RBMS1: variants seen among roughly 807,000 people sequenced by gnomAD.
The protein encoded by RBMS1 is RNA-binding motif, single-stranded-interacting protein 1.
Under a neutral mutation model 62.3 loss-of-function variants are expected in RBMS1, and 17 were observed. The ratio of observed to expected loss-of-function variants is 0.27; its 90% CI spans 0.19 to 0.41. RBMS1 has a LOEUF of 0.41. Among genes scored for constraint, RBMS1 ranks in the 10% least tolerant of loss-of-function variants. The pLI is 1.00. For missense variants in RBMS1, 334 were observed against 504.5 expected (o/e 0.66, Z 3.24); for synonymous variants, 172 against 170.0 (o/e 1.01, Z -0.09).
intron 13 of RBMS1, 176 bp downstream of exon 13, chr2:160,275,454 A>C: frequency 8.3e-7 from 1 of 1,210,074 alleles, no homozygotes; most frequent in South Asian, 2.2e-5. Flanking sequence ...AAAATGATTA[A>C]TCTTAAATTC....
intron 2 of RBMS1, among the ~76,000 whole-genome samples, chr2:160,357,367 G>C (rs1343356119): frequency 6.6e-6 from 1 of 152,004 alleles, no homozygotes; most frequent in African/African-American, 2.4e-5. Flanking sequence ...TCATGCCTAG[G>C]AGTAACAAAA....
At chr2:160,409,337 A>G (rs1695927253) in intron 1 of RBMS1, among the ~76,000 whole-genome samples, 1 of 152,040 alleles carries the variant, frequency 6.6e-6, no homozygotes, top group Non-Finnish European at 1.5e-5. Context: ...TGCACAATGG[A>G]CGAGTAAGAA....
At chr2:160,320,631 A>AC (rs1690506185) in intron 2 of RBMS1, among the ~76,000 whole-genome samples, 1 of 151,416 alleles carries the variant, frequency 6.6e-6, no homozygotes, top group Non-Finnish European at 1.5e-5. Flanking sequence ...AGAGCCTGGT[A>AC]CCTCCTCCTC....
intron 1 of RBMS1, among the ~76,000 whole-genome samples, chr2:160,441,489 C>T (rs1032899422): frequency 1.3e-5 from 2 of 152,130 alleles, no homozygotes; most frequent in African/African-American, 4.8e-5. Flanking sequence ...TTTGGGAGGC[C>T]AAGGCAGGAG....
At chr2:160,346,639 T>C (rs1346656292) in intron 2 of RBMS1, among the ~76,000 whole-genome samples, 1 of 152,120 alleles carries the variant, frequency 6.6e-6, no homozygotes, top group Non-Finnish European at 1.5e-5. Flanking sequence ...CAGCAAGCAA[T>C]AGGTGCTACA....
intron 1 of RBMS1, among the ~76,000 whole-genome samples, chr2:160,453,525 A>G (rs1420004542): frequency 6.6e-6 from 1 of 152,022 alleles, no homozygotes; most frequent in Non-Finnish European, 1.5e-5. Flanking sequence ...TGATCCCTTC[A>G]TTCTTTCTCT....
At chr2:160,300,797 A>G in intron 5 of RBMS1, 67 bp from the exon 6 acceptor site, 1 of 1,401,738 alleles carries the variant, frequency 7.1e-7, no homozygotes, top group Non-Finnish European at 9.4e-7. Context: ...TGTTCGGTGC[A>G]TGCATAAACA....
chr2:160,370,642 C>A (rs1172363120), intron 1 of RBMS1, among the ~76,000 whole-genome samples: 2 of 152,186 alleles, frequency 1.3e-5, no homozygotes, highest in African/African-American at 2.4e-5. Context: ...AGAATTTGAA[C>A]GCAGGTCTGC....
intron 1 of RBMS1, among the ~76,000 whole-genome samples, chr2:160,392,813 G>T (rs139557778): frequency 6.6e-5 from 10 of 152,098 alleles, no homozygotes; most frequent in Non-Finnish European, 7.4e-5. Flanking sequence ...GATTGCTCCA[G>T]CTTGGGAGGT....
intron 1 of RBMS1, among the ~76,000 whole-genome samples, chr2:160,482,372 T>G (rs1685406309): frequency 6.6e-6 from 1 of 152,162 alleles, no homozygotes; most frequent in East Asian, 1.9e-4. Context: ...ATTACATGAG[T>G]ATATCAACCT....
chr2:160,455,515 T>C (rs1460796248), intron 1 of RBMS1, among the ~76,000 whole-genome samples: 1 of 152,220 alleles, frequency 6.6e-6, no homozygotes, highest in Non-Finnish European at 1.5e-5. Context: ...GTTTATTAAC[T>C]GTGGCTGGCA....
chr2:160,475,859 A>ATT (rs34858686), intron 1 of RBMS1, among the ~76,000 whole-genome samples: 171 of 142,080 alleles, frequency 1.2e-3, no homozygotes, highest in Admixed American at 2.6e-3. Flanking sequence ...TGGGCCCCCC[A>ATT]TTTTTTTTTT....
chr2:160,407,664 G>C (rs1477621712), intron 1 of RBMS1: 1 of 981,920 alleles, frequency 1.0e-6, no homozygotes, highest in East Asian at 1.1e-4. Context: ...CTCTCGCCGC[G>C]CGGCGGCGGC....
At chr2:160,367,801 A>G (rs1215336781) in intron 1 of RBMS1, among the ~76,000 whole-genome samples, 6 of 152,210 alleles carry the variant, frequency 3.9e-5, no homozygotes, top group Admixed American at 2.0e-4. Flanking sequence ...TTAAAATTTT[A>G]TTAGGATGAC....
At chr2:160,286,324 T>A (rs1688391546) in intron 7 of RBMS1, among the ~76,000 whole-genome samples, 2 of 148,308 alleles carry the variant, frequency 1.3e-5, no homozygotes, top group East Asian at 2.0e-4. Flanking sequence ...TTTTTTATTT[T>A]GTTTTTTTTT....
At chr2:160,341,541 G>T (rs544526487) in intron 2 of RBMS1, among the ~76,000 whole-genome samples, 1 of 152,252 alleles carries the variant, frequency 6.6e-6, no homozygotes, top group South Asian at 2.1e-4. Flanking sequence ...GTGAGGAGGG[G>T]AGAATTCAGA....
chr2:160,445,428 T>C (rs1683603401), intron 1 of RBMS1, among the ~76,000 whole-genome samples: 1 of 152,222 alleles, frequency 6.6e-6, no homozygotes, highest in Non-Finnish European at 1.5e-5. Flanking sequence ...CCTGATTTAT[T>C]AAAAATAATC....
chr2:160,385,714 G>A lies in RBMS1; in HGVS notation c.76-18323C>T, dbSNP rs553904129. ...GATGCCCACGTGTTCTGTTCGGGGT[G>A]CCTCCCTTTTATTATTCTCAAGCTT... On this transcript the variant is annotated intron_variant, in intron 1 of 13. Coordinates refer to ENST00000348849, the MANE Select transcript of RBMS1 (RefSeq NM_016836.4). Among the ~76,000 whole-genome samples the A allele has an allele frequency of 5.9e-5, 9 of 152,320 alleles. No individual in the cohort carries two copies. The South Asian group carries it at 1.7e-3, about 28-fold the overall frequency.
At chr2:160,387,829 G>GA (rs886953269) in intron 1 of RBMS1, among the ~76,000 whole-genome samples, 91 of 143,622 alleles carry the variant, frequency 6.3e-4, no homozygotes, top group Non-Finnish European at 7.7e-4. Flanking sequence ...CATTAGACAG[G>GA]AAAAAAAAAA....
Sources: gnomAD v4.1 joint callset for allele counts (sites outside exome capture counted in the v4.1 genomes callset) on GRCh38, gnomAD v4.1.1 for gene constraint, MANE v1.5 for transcripts, NCBI Gene and HGNC (gene_info 2026-07-23, HGNC 2026-07-21) for gene names.